Variants in SCN7A observed in about 807,000 individuals in gnomAD.
SCN7A encodes sodium channel protein type 7 subunit alpha.
A neutral mutation model predicts 155.2 loss-of-function variants in SCN7A; 138 were observed. The ratio of observed to expected loss-of-function variants is 0.89; its 90% CI spans 0.77 to 1.02. The LOEUF (loss-of-function observed/expected upper bound fraction) is 1.02, where lower values mean the gene tolerates loss of function less well. Among genes scored for constraint, SCN7A ranks in the 50% least tolerant of loss-of-function variants. SCN7A has a pLI of 0.00. For synonymous variants in SCN7A, 693 were observed against 649.0 expected (o/e 1.07, Z -1.03); for missense variants, 2,058 against 1,986.6 (o/e 1.04, Z -0.68).
intron 14 of SCN7A, among the ~76,000 whole-genome samples, chr2:166,442,601 G>A (rs551905586): frequency 6.6e-6 from 1 of 151,960 alleles, no homozygotes; most frequent in African/African-American, 2.4e-5. Flanking sequence ...TGCCCAGGCT[G>A]GTTCCAAATT....
At chr2:166,446,138 G>T (rs751802732) in intron 12 of SCN7A, among the ~76,000 whole-genome samples, 2 of 152,044 alleles carry the variant, frequency 1.3e-5, no homozygotes, top group Non-Finnish European at 2.9e-5. Flanking sequence ...TCTGGCAAAG[G>T]TCTAATATCC....
rs1193173809 is a variant in SCN7A, at chr2:166,475,093, C to CGTATATATGTATATATATATATATAT, written c.235-750_235-749insATATATATATATATATACATATATAC. Among the ~76,000 whole-genome samples the CGTATATATGTATATATATATATATAT allele has an allele frequency of 7.3e-4, 95 of 129,552 alleles. 2 individuals carry two copies. The highest frequency in any genetic ancestry group is 2.4e-3 in the African/African-American group (83 of 35,150). The allele number at this position is 129,552 out of a possible 152,430, so 85.0% of individuals were successfully genotyped here. A position where few individuals can be genotyped will look rare whatever the true frequency, so the allele number is the denominator to read the frequency against. The stretch of plus-strand genomic sequence containing the variant: ...TTTTATATTTGTGTATATATATATA[C>CGTATATATGTATATATATATATATAT]ACATATATATGTATATATATATATA... On this transcript the variant is annotated intron_variant, in intron 3 of 25. Transcript: ENST00000643258.
In SCN7A at chr2:166,406,672, C is replaced by T. The variant is rs745725039; in HGVS notation, c.3983-26G>A. The T allele has an allele frequency of 2.5e-5, 36 of 1,434,280 alleles. No homozygotes were observed. The East Asian group carries it at 7.5e-4, about 30-fold the overall frequency. The allele number at this position is 1,434,280 out of a possible 1,614,324, so 88.8% of individuals were successfully genotyped here. ...CTGGGGGTGGGAAAGATAAAGCAGGCTATACATTATTCAAACACAATAGTA... is the reference window on the plus strand; with the variant it reads ...CTGGGGGTGGGAAAGATAAAGCAGGTTATACATTATTCAAACACAATAGTA... On this transcript the variant is annotated intron_variant, in intron 25 of 25. Coordinates refer to ENST00000643258, the MANE Select transcript of SCN7A (RefSeq NM_002976.4).
chr2:166,481,203 T>C (rs1211907617), intron 2 of SCN7A, among the ~76,000 whole-genome samples: 3 of 152,190 alleles, frequency 2.0e-5, no homozygotes, highest in African/African-American at 7.2e-5. Flanking sequence ...CTGTGACTAA[T>C]GTTCTAAGAA....
At position 166,463,722 on chromosome 2, in the gene SCN7A, CAG is replaced by C. The variant is rs1243659600; in HGVS notation, c.942-1194_942-1193del. ...TGGGTTCACCATTTGGATATGAGAACAGAATGGGAGCCCAGCAGGAGCTGGGC... is the reference window on the plus strand; with the variant it reads ...TGGGTTCACCATTTGGATATGAGAACAATGGGAGCCCAGCAGGAGCTGGGC... On this transcript the variant is annotated intron_variant, in intron 9 of 25. Transcript: ENST00000643258. Among the ~76,000 whole-genome samples the C allele has an allele frequency of 5.9e-5, 9 of 152,172 alleles. No individual in the cohort carries two copies. The East Asian group carries it at 1.5e-3, about 26-fold the overall frequency.
intron 20 of SCN7A, among the ~76,000 whole-genome samples, chr2:166,420,933 TA>T (rs1249901419): frequency 6.6e-6 from 1 of 151,988 alleles, no homozygotes; most frequent in African/African-American, 2.4e-5. Flanking sequence ...AATATATTTT[TA>T]AAACTATATT....
At chr2:166,421,760 G>T (rs1575011937) in intron 19 of SCN7A, among the ~76,000 whole-genome samples, 1 of 151,820 alleles carries the variant, frequency 6.6e-6, no homozygotes, top group East Asian at 1.9e-4. Context: ...CAGAGGATAG[G>T]CATCAAGGAA....
intron 18 of SCN7A, among the ~76,000 whole-genome samples, chr2:166,423,994 T>C (rs1701567017): frequency 6.6e-6 from 1 of 152,138 alleles, no homozygotes; most frequent in Non-Finnish European, 1.5e-5. Context: ...TAAAGTCTAA[T>C]CATGTCATTG....
chr2:166,491,180 T>A (rs547819887), intron 1 of SCN7A, among the ~76,000 whole-genome samples: 3 of 152,100 alleles, frequency 2.0e-5, no homozygotes, highest in African/African-American at 7.2e-5. Flanking sequence ...CAGCATCACC[T>A]CCTGTTCTAG....
chr2:166,429,773 T>G (rs1273988313), intron 16 of SCN7A, among the ~76,000 whole-genome samples: 2 of 151,942 alleles, frequency 1.3e-5, no homozygotes, highest in Non-Finnish European at 2.9e-5. Context: ...TATCATGAAG[T>G]AAAATGAGGG....
chr2:166,418,284 CTTTTTTTTTTTTTTT>C (rs71031244), intron 20 of SCN7A, among the ~76,000 whole-genome samples: 4 of 60,668 alleles, frequency 6.6e-5, no homozygotes, highest in African/African-American at 2.2e-4. Flanking sequence ...CCCCGCCAGG[CTTTTTTTTTTTTTTT>C]TTTTTTTTTT....
intron 1 of SCN7A, among the ~76,000 whole-genome samples, chr2:166,492,099 C>G (rs1683126414): frequency 6.6e-6 from 1 of 152,034 alleles, no homozygotes; most frequent in Admixed American, 6.6e-5. Context: ...ATATCCGCTA[C>G]CAAACCATCT....
intron 9 of SCN7A, among the ~76,000 whole-genome samples, chr2:166,465,088 T>C (rs1318510924): frequency 6.6e-6 from 1 of 152,182 alleles, no homozygotes; most frequent in African/African-American, 2.4e-5. Flanking sequence ...TCCTCTTGAA[T>C]GTGATCGATA....
At position 166,423,337 on chromosome 2, in the gene SCN7A, C is replaced by T; in HGVS notation, c.2949G>A (p.Met983Ile). 6.2e-7 allele frequency: 1 copy of T among 1,612,164 alleles called. No homozygotes were observed. Among genetic ancestry groups the T allele is most frequent in the South Asian group, 1.1e-5 (1 of 90,862 alleles). The change falls in exon 19 of 26, where the codon ATG (methionine) becomes ATA (isoleucine). Residue 983 changes from methionine to isoleucine, a missense_variant. Met to Ile is a conservative substitution (Grantham distance 10). Coordinates refer to ENST00000643258, the MANE Select transcript of SCN7A (RefSeq NM_002976.4). ...MIFTYIFILEMLLKWMAYGFK... is the reference protein window; with the variant it reads ...MIFTYIFILEILLKWMAYGFK... ...AACCATATGCCATCCATTTTAGAAG[C>T]ATTTCCAGAATGAAGATATAAGTAA...
chr2:166,426,833 G>C (rs892113383), intron 18 of SCN7A, among the ~76,000 whole-genome samples: 2 of 151,964 alleles, frequency 1.3e-5, no homozygotes, highest in South Asian at 2.1e-4. Context: ...CACCCATGGA[G>C]AGTTTTCAAT....
At chr2:166,472,010 C>T (rs34774689) in intron 6 of SCN7A, among the ~76,000 whole-genome samples, 18,354 of 151,746 alleles carry the variant, frequency 0.12, 1,370 homozygotes, top group Middle Eastern at 0.18. Context: ...ATGTGCACAA[C>T]GTGCAGGTTA....
Position 166,414,853 on chromosome 2 carries a change from T to TATAATATATAATACATATTATATAGG in SCN7A, c.3415-1733_3415-1732insCCTATATAATATGTATTATATATTAT, listed in dbSNP as rs1559089423. Reference sequence around the variant, plus strand: ...TAGGATATATATAATATATAGGATATATAATATATAATATATATTATATAG... The same window carrying TATAATATATAATACATATTATATAGG: ...TAGGATATATATAATATATAGGATATATAATATATAATACATATTATATAGGATAATATATAATATATATTATATAG... On this transcript the variant is annotated intron_variant, in intron 21 of 25. Coordinates refer to ENST00000643258, the MANE Select transcript of SCN7A (RefSeq NM_002976.4). The TATAATATATAATACATATTATATAGG allele has an allele frequency of 8.3e-5, 8 of 96,312 alleles. 1 individual carries two copies. The highest frequency in any genetic ancestry group is 6.3e-4 in the Admixed American group (5 of 7,896). The allele number at this position is 96,312 out of a possible 1,614,324, so 6.0% of individuals were successfully genotyped here.
chr2:166,425,796 A>T (rs536197998), intron 18 of SCN7A, among the ~76,000 whole-genome samples: 1 of 152,244 alleles, frequency 6.6e-6, no homozygotes, highest in Admixed American at 6.6e-5. Context: ...CAAGATCTTT[A>T]ACTTGATCAG....
chr2:166,457,156 A>T, intron 10 of SCN7A, 80 bp from the exon 11 acceptor site: 1 of 986,728 alleles, frequency 1.0e-6, no homozygotes, highest in Non-Finnish European at 1.5e-6. Context: ...AATAAAAGGC[A>T]AAATTTTATT....
Sources: allele counts gnomAD v4.1 joint callset (sites outside exome capture counted in the v4.1 genomes callset), GRCh38; gene constraint gnomAD v4.1.1; transcripts MANE v1.5; gene names NCBI Gene and HGNC (gene_info 2026-07-23, HGNC 2026-07-21).